The following PALLD variants were observed in gnomAD, a reference collection of about 807,000 sequenced individuals.
The protein encoded by PALLD is palladin, cytoskeletal associated protein.
Under a neutral mutation model 123.5 loss-of-function variants are expected in PALLD, and 61 were observed. That is an observed-to-expected ratio of 0.49 (90% CI 0.40 to 0.61). The LOEUF (loss-of-function observed/expected upper bound fraction) is 0.61. Ranked by LOEUF, PALLD falls within the 20% of genes least tolerant of loss-of-function variation. The probability of loss-of-function intolerance (pLI) is 0.00; values close to 1 mark genes in which losing one functional copy is unlikely to be tolerated. For missense variants in PALLD, 1,273 were observed against 1,377.0 expected (o/e 0.92, Z 1.20); for synonymous variants, 465 against 496.4 (o/e 0.94, Z 0.84).
chr4:168,571,960 T>G (rs1028579305), intron 2 of PALLD, among the ~76,000 whole-genome samples: 4 of 152,080 alleles, frequency 2.6e-5, no homozygotes, highest in Admixed American at 6.6e-5. Context: ...GGCATGGTGG[T>G]TCACACCTGT....
chr4:168,511,825 GAAAC>G lies in PALLD; in HGVS notation c.326_329del (p.Gln109LeufsTer43), dbSNP rs1268911860. The G allele has an allele frequency of 6.2e-7, 1 of 1,614,152 alleles. No individual in the cohort carries two copies. The highest frequency in any genetic ancestry group is 2.2e-5 in the East Asian group (1 of 44,872). On this transcript the variant is annotated frameshift_variant, in exon 2 of 22. Transcript: ENST00000505667. LOFTEE classifies it high-confidence loss of function. ...CAACACCTGTCCAGCCTCTGGCAGA[GAAAC>G]AAACTAAGAGTATCTCTTCACCTGT...
chr4:168,706,313 G>A (rs1413472762), intron 8 of PALLD, among the ~76,000 whole-genome samples: 1 of 152,108 alleles, frequency 6.6e-6, no homozygotes, highest in East Asian at 1.9e-4. Flanking sequence ...TAGATTCAAT[G>A]TAGAACACAA....
At chr4:168,651,656 T>C (rs1363240300) in intron 2 of PALLD, among the ~76,000 whole-genome samples, 2 of 152,152 alleles carry the variant, frequency 1.3e-5, no homozygotes, top group South Asian at 2.1e-4. Context: ...TTTAGAGCTA[T>C]TAAGTACTTT....
intron 10 of PALLD, among the ~76,000 whole-genome samples, chr4:168,763,910 C>G (rs1247407507): frequency 6.6e-6 from 1 of 152,178 alleles, no homozygotes; most frequent in African/African-American, 2.4e-5. Context: ...CCCACATGGT[C>G]TTGTATTAAA....
intron 2 of PALLD, among the ~76,000 whole-genome samples, chr4:168,562,088 T>C (rs1201602041): frequency 2.9e-5 from 4 of 137,098 alleles, no homozygotes; most frequent in Non-Finnish European, 4.7e-5. Context: ...GGCTCAAAGG[T>C]CACAAGGATA....
At chr4:168,630,783 T>C (rs962513194) in intron 2 of PALLD, among the ~76,000 whole-genome samples, 1 of 152,240 alleles carries the variant, frequency 6.6e-6, no homozygotes, top group Non-Finnish European at 1.5e-5. Flanking sequence ...AAGATGGAAG[T>C]AGTGAAATAA....
At chr4:168,543,323 T>C (rs1472765358) in intron 2 of PALLD, among the ~76,000 whole-genome samples, 12 of 150,232 alleles carry the variant, frequency 8.0e-5, no homozygotes, top group African/African-American at 2.9e-4. Flanking sequence ...ATATTTATCT[T>C]TTTTTTTTTT....
At chr4:168,665,059 T>C (rs767091536) in intron 2 of PALLD, among the ~76,000 whole-genome samples, 15 of 152,202 alleles carry the variant, frequency 9.9e-5, no homozygotes, top group Non-Finnish European at 1.9e-4. Flanking sequence ...AAAAAATATT[T>C]CACAAAATGA....
chr4:168,644,877 C>T (rs546214848), intron 2 of PALLD, among the ~76,000 whole-genome samples: 178 of 152,164 alleles, frequency 1.2e-3, no homozygotes, highest in Non-Finnish European at 2.2e-3. Context: ...CCGAGGCAGG[C>T]GGATCACTGG....
At chr4:168,707,588 C>T (rs1370643685) in intron 8 of PALLD, among the ~76,000 whole-genome samples, 1 of 152,174 alleles carries the variant, frequency 6.6e-6, no homozygotes, top group Non-Finnish European at 1.5e-5. Flanking sequence ...AATTGGCCAA[C>T]AACATCACTT....
intron 10 of PALLD, among the ~76,000 whole-genome samples, chr4:168,872,288 GA>G (rs1236559805): frequency 1.3e-5 from 2 of 152,156 alleles, no homozygotes; most frequent in Non-Finnish European, 2.9e-5. Flanking sequence ...AAGTACAAAG[GA>G]AAAGTCTCTC....
intron 10 of PALLD, among the ~76,000 whole-genome samples, chr4:168,803,483 G>A (rs925722978): frequency 6.6e-6 from 1 of 152,092 alleles, no homozygotes; most frequent in Non-Finnish European, 1.5e-5. Context: ...CCAGGAACTC[G>A]AGACCAGCCT....
chr4:168,640,311 T>A (rs1029655475), intron 2 of PALLD, among the ~76,000 whole-genome samples: 1 of 152,160 alleles, frequency 6.6e-6, no homozygotes, highest in Non-Finnish European at 1.5e-5. Flanking sequence ...ATCAACTCAT[T>A]TGGGACTCTA....
chr4:168,861,928 T>C (rs1223280225), intron 10 of PALLD, among the ~76,000 whole-genome samples: 1 of 152,126 alleles, frequency 6.6e-6, no homozygotes, highest in African/African-American at 2.4e-5. Context: ...AGTGCTGGGA[T>C]TACAGGCATG....
intron 2 of PALLD, among the ~76,000 whole-genome samples, chr4:168,517,336 C>A (rs893534188): frequency 7.9e-5 from 12 of 152,124 alleles, no homozygotes; most frequent in Admixed American, 6.5e-5. Context: ...CAGTAATGTG[C>A]TTTAATAGTC....
intron 2 of PALLD, among the ~76,000 whole-genome samples, chr4:168,553,528 C>A (rs1342226121): frequency 1.3e-5 from 2 of 152,124 alleles, no homozygotes; most frequent in African/African-American, 4.8e-5. Context: ...CTTGGGTTGG[C>A]ACTAAAGAAA....
At chr4:168,742,428 G>C (rs1324303586) in intron 10 of PALLD, among the ~76,000 whole-genome samples, 1 of 152,194 alleles carries the variant, frequency 6.6e-6, no homozygotes, top group African/African-American at 2.4e-5. Context: ...ACTGAGAGGA[G>C]AAGACTGTGT....
intron 2 of PALLD, among the ~76,000 whole-genome samples, chr4:168,596,786 T>C (rs56030511): frequency 0.099 from 15,036 of 151,236 alleles, 807 homozygotes; most frequent in Admixed American, 0.13. Context: ...AAAAAAATTA[T>C]AATTTACCAT....
chr4:168,661,766 A>T lies in PALLD; in HGVS notation c.909-6424A>T, dbSNP rs137892412. On this transcript the variant is annotated intron_variant, in intron 2 of 21. Transcript: ENST00000505667. ...AGATACATGTTTTGATGAAAGATGA[A>T]AGCCAAAAGCATTAAGGAAAATGAA... Among the ~76,000 whole-genome samples the T allele has an allele frequency of 5.3e-4, 81 of 152,348 alleles. No homozygotes were observed. The East Asian group carries it at 0.015, about 28-fold the overall frequency.
Sources: allele counts gnomAD v4.1 joint callset (sites outside exome capture counted in the v4.1 genomes callset), GRCh38; gene constraint gnomAD v4.1.1; transcripts MANE v1.5; gene names NCBI Gene and HGNC (gene_info 2026-07-23, HGNC 2026-07-21).